Variants in CFAP206 observed in about 807,000 individuals in gnomAD.
The protein encoded by CFAP206 is cilia and flagella associated protein 206.
Under a neutral mutation model 65.4 loss-of-function variants are expected in CFAP206, and 53 were observed. That is an observed-to-expected ratio of 0.81 (90% CI 0.65 to 1.02). The LOEUF is 1.02. CFAP206 is among the 50% of genes least tolerant of loss of function. The pLI, the probability that CFAP206 is intolerant of heterozygous loss-of-function variation, is 0.00. For synonymous variants in CFAP206, 250 were observed against 254.4 expected (o/e 0.98, Z 0.17); for missense variants, 663 against 753.2 (o/e 0.88, Z 1.40).
chr6:87,410,560 TG>T, intron 2 of CFAP206, 24 bp from the exon 3 acceptor site: 1 of 1,544,408 alleles, frequency 6.5e-7, no homozygotes, highest in Non-Finnish European at 9.0e-7. Flanking sequence ...TCCTAGTTAA[TG>T]GACTCGTTCC....
At chr6:87,415,631 G>A (rs975695320) in intron 4 of CFAP206, 55 bp from the exon 5 acceptor site, 74 of 1,491,252 alleles carry the variant, frequency 5.0e-5, no homozygotes, top group Non-Finnish European at 6.3e-5. Context: ...TAGTTCTTAC[G>A]TAAGAAGAAT....
Position 87,422,773 on chromosome 6 carries a change from CA to C in CFAP206, c.841-3746del, listed in dbSNP as rs113147764. ...CTCAAAAAAAAAAAAACAAAACAAA[CA>C]AAAAAACAACTCCAGATGATTGTGA... On this transcript the variant is annotated intron_variant, in intron 7 of 12. Transcript: ENST00000369562. 3.4e-3 allele frequency among the ~76,000 whole-genome samples: 514 copies of C among 149,362 alleles called. 3 individuals are homozygous for C. The highest frequency in any genetic ancestry group is 0.012 in the African/African-American group (490 of 40,774).
intron 11 of CFAP206, among the ~76,000 whole-genome samples, chr6:87,457,670 A>T (rs1768672212): frequency 6.6e-6 from 1 of 152,344 alleles, no homozygotes; most frequent in East Asian, 1.9e-4. Context: ...ATCAAATCAA[A>T]GTGGATTAAA....
intron 10 of CFAP206, among the ~76,000 whole-genome samples, chr6:87,433,969 G>A (rs1050131709): frequency 2.4e-4 from 37 of 152,104 alleles, no homozygotes; most frequent in Admixed American, 2.6e-4. Flanking sequence ...GTGTGGTGGT[G>A]CACACCTGTA....
At chr6:87,425,520 G>T (rs1206526711) in intron 7 of CFAP206, among the ~76,000 whole-genome samples, 1 of 152,090 alleles carries the variant, frequency 6.6e-6, no homozygotes, top group Non-Finnish European at 1.5e-5. Flanking sequence ...AAAGTCAGAA[G>T]GAAATAAATG....
rs376585292 is a variant in CFAP206, at chr6:87,410,539, A to C, written c.109-46A>C. The C allele has an allele frequency of 2.3e-4, 312 of 1,330,632 alleles. 1 individual carries two copies. Among genetic ancestry groups the C allele is most frequent in the Non-Finnish European group, 3.1e-4 (290 of 924,194 alleles). The allele number at this position is 1,330,632 out of a possible 1,614,324, so 82.4% of individuals were successfully genotyped here. On this transcript the variant is annotated intron_variant, in intron 2 of 12. Transcript: ENST00000369562. ...CTAATAATATGAAATAAAATTGCTT[A>C]ATGGATTCTTTCCTAGTTAATGGAC...
Position 87,415,748 on chromosome 6 carries a change from A to C in CFAP206, c.346A>C (p.Ile116Leu). The C allele has an allele frequency of 6.2e-7, 1 of 1,613,072 alleles. No homozygotes were observed. The highest frequency in any genetic ancestry group is 8.5e-7 in the Non-Finnish European group (1 of 1,179,518). ...ESRLGSVTRE[I>L]TDNRACAKEE... ...TAGATTAGGCTCTGTTACCCGAGAA[A>C]TTACAGATAACAGAGCATGTGCTAA... The change falls in exon 5 of 13, where the codon ATT becomes CTT. Residue 116 changes from isoleucine (I) to leucine (L), a missense_variant. Transcript: ENST00000369562.
intron 11 of CFAP206, chr6:87,442,098 G>A (rs1033979287): frequency 5.6e-6 from 1 of 178,000 alleles, no homozygotes; most frequent in Admixed American, 5.8e-5. Context: ...GCTGCCAGGA[G>A]GACCTCCAGC....
chr6:87,429,697 C>G (rs1768124694), intron 9 of CFAP206, among the ~76,000 whole-genome samples: 1 of 152,042 alleles, frequency 6.6e-6, no homozygotes, highest in African/African-American at 2.4e-5. Context: ...GAGCTTGGGA[C>G]TTGAGATGTT....
At chr6:87,462,179 CAA>C (rs1562012432) in intron 12 of CFAP206, among the ~76,000 whole-genome samples, 1 of 152,276 alleles carries the variant, frequency 6.6e-6, no homozygotes, top group East Asian at 1.9e-4. Flanking sequence ...GGCTGCAAGT[CAA>C]AGAGTTCTAT....
chr6:87,431,274 A>G, intron 10 of CFAP206, 101 bp downstream of exon 10: 1 of 1,120,232 alleles, frequency 8.9e-7, no homozygotes, highest in East Asian at 2.4e-5. Context: ...ACTTTATGGA[A>G]TCTAATGGTG....
intron 10 of CFAP206, 25 bp from the exon 11 acceptor site, chr6:87,434,835 T>A: frequency 2.5e-6 from 3 of 1,183,618 alleles, no homozygotes; most frequent in Non-Finnish European, 3.6e-6. Context: ...AGACATTTCA[T>A]ATCTAATTCT....
chr6:87,430,080 C>G (rs1768130770), intron 9 of CFAP206, among the ~76,000 whole-genome samples: 1 of 152,168 alleles, frequency 6.6e-6, no homozygotes, highest in African/African-American at 2.4e-5. Flanking sequence ...CACTAGAACA[C>G]TATTAAATTA....
chr6:87,415,982 T>TAA, intron 5 of CFAP206, 108 bp downstream of exon 5: 1 of 792,566 alleles, frequency 1.3e-6, no homozygotes. Flanking sequence ...CCTTTTTATC[T>TAA]GAAAAAAAAA....
chr6:87,417,372 G>A (rs1380083139), intron 6 of CFAP206, among the ~76,000 whole-genome samples: 1 of 152,028 alleles, frequency 6.6e-6, no homozygotes, highest in Non-Finnish European at 1.5e-5. Flanking sequence ...TGGTACTCCT[G>A]TAGGCCCACT....
intron 4 of CFAP206, among the ~76,000 whole-genome samples, 166 bp downstream of exon 4, chr6:87,414,066 A>C (rs1216937831): frequency 6.6e-6 from 1 of 152,220 alleles, no homozygotes; most frequent in Non-Finnish European, 1.5e-5. Context: ...AAATGAAAAA[A>C]AACCATTGGC....
intron 11 of CFAP206, among the ~76,000 whole-genome samples, chr6:87,459,539 G>C (rs1485028168): frequency 6.6e-6 from 1 of 152,132 alleles, no homozygotes; most frequent in East Asian, 1.9e-4. Flanking sequence ...GAGGGGACCA[G>C]GTAGATGTTA....
At position 87,418,212 on chromosome 6, in the gene CFAP206, A is replaced by T. The variant is rs747262950; in HGVS notation, c.636A>T (p.Pro212=). 8.7e-6 allele frequency: 14 copies of T among 1,613,960 alleles called. No homozygotes were observed. The highest frequency in any genetic ancestry group is 1.2e-5 in the Non-Finnish European group (14 of 1,180,012). Residue 212 remains proline (P), a synonymous_variant, in exon 7 of 13, where the codon CCA becomes CCT. Transcript: ENST00000369562. The part of the protein sequence containing the change: ...GKGGEGIDDL[P]AVLHVAIPAT... ...TTTTCATACTCTTACAAACAGTGCC[A>T]GCTGTTCTCCATGTAGCAATCCCAG... is the stretch of plus-strand genomic sequence containing the variant.
chr6:87,428,408 C>T (rs553208689), intron 8 of CFAP206, among the ~76,000 whole-genome samples: 7 of 151,514 alleles, frequency 4.6e-5, no homozygotes, highest in South Asian at 2.1e-4. Context: ...TTATAATAAT[C>T]GTACTAAAAT....
Sources: gnomAD v4.1 joint callset for allele counts (sites outside exome capture counted in the v4.1 genomes callset) on GRCh38, gnomAD v4.1.1 for gene constraint, MANE v1.5 for transcripts, NCBI Gene and HGNC (gene_info 2026-07-23, HGNC 2026-07-21) for gene names.